Variants in DARS1 observed in about 807,000 individuals in gnomAD.
The protein encoded by DARS1 is aspartyl-tRNA synthetase 1.
A neutral mutation model predicts 68.8 loss-of-function variants in DARS1; 51 were observed. The observed-to-expected ratio is 0.74, with a 90% CI of 0.59 to 0.94. DARS1 has a LOEUF of 0.94. Ranked by LOEUF, DARS1 falls within the 40% of genes least tolerant of loss-of-function variation. The pLI is 0.00. For missense variants in DARS1, 607 were observed against 597.3 expected, an observed-to-expected ratio of 1.02 and a Z score of -0.17; for synonymous variants, 203 against 190.4, an observed-to-expected ratio of 1.07 and a Z score of -0.55.
rs1408790046 is a variant in DARS1 at position 135,965,796 on chromosome 2, C to T, written c.218-4298G>A. On this transcript the variant is annotated intron_variant, in intron 3 of 15. Coordinates refer to ENST00000264161, the MANE Select transcript of DARS1 (RefSeq NM_001349.4). ...AATGCTATGGTCCTCAAGCTTTCTA[C>T]GTTCAAAGCACTTTAAAATACAAGA... Among the ~76,000 whole-genome samples the T allele has an allele frequency of 3.9e-5, 6 of 152,288 alleles. No homozygotes were observed. In the East Asian group the frequency reaches 5.8e-4, roughly 15 times the overall value.
chr2:135,957,829 C>G (rs1682012745), intron 4 of DARS1, among the ~76,000 whole-genome samples: 1 of 152,122 alleles, frequency 6.6e-6, no homozygotes, highest in South Asian at 2.1e-4. Flanking sequence ...AAATACCAAA[C>G]TACTGTAAAT....
At chr2:135,922,327 G>A (rs1487754095) in intron 9 of DARS1, among the ~76,000 whole-genome samples, 1 of 152,090 alleles carries the variant, frequency 6.6e-6, no homozygotes, top group Non-Finnish European at 1.5e-5. Flanking sequence ...TTTGACCACT[G>A]CAACTACCTG....
intron 7 of DARS1, among the ~76,000 whole-genome samples, chr2:135,927,462 CTTCT>C (rs1263344163): frequency 2.0e-5 from 3 of 151,910 alleles, no homozygotes; most frequent in East Asian, 1.9e-4. Context: ...GGAAAAAGGC[CTTCT>C]TTATCATTTA....
chr2:135,984,922 T>C (rs1558804664), intron 1 of DARS1, among the ~76,000 whole-genome samples: 1 of 152,206 alleles, frequency 6.6e-6, no homozygotes, highest in East Asian at 1.9e-4. Context: ...AAATGACATG[T>C]GTTCTTTAAA....
chr2:135,954,651 TA>T (rs1321842695), intron 4 of DARS1, among the ~76,000 whole-genome samples: 1 of 152,088 alleles, frequency 6.6e-6, no homozygotes, highest in Non-Finnish European at 1.5e-5. Flanking sequence ...GGTGGCAAAA[TA>T]AAGCAAGTGT....
chr2:135,935,762 C>T (rs1681455973), intron 5 of DARS1, among the ~76,000 whole-genome samples: 1 of 152,074 alleles, frequency 6.6e-6, no homozygotes, highest in Non-Finnish European at 1.5e-5. Flanking sequence ...TATTAGTTAA[C>T]CCAAACTATG....
chr2:135,985,333 C>A, intron 1 of DARS1, 70 bp downstream of exon 1: 1 of 1,564,688 alleles, frequency 6.4e-7, no homozygotes, highest in South Asian at 1.2e-5. Context: ...CCCACTCCCC[C>A]TCCTCCCTCC....
At chr2:135,911,085 T>A (rs1680885983) in intron 15 of DARS1, 54 bp downstream of exon 15, 3 of 769,602 alleles carry the variant, frequency 3.9e-6, no homozygotes, top group Non-Finnish European at 6.7e-6. Flanking sequence ...TAATTCAAAT[T>A]TGTATTATAC....
At chr2:135,922,978 AC>A (rs1681137811) in intron 8 of DARS1, 60 bp from the exon 9 acceptor site, 4 of 1,336,862 alleles carry the variant, frequency 3.0e-6, no homozygotes, top group Non-Finnish European at 3.8e-6. Flanking sequence ...ATCAATGCAA[AC>A]CTCTAGTTAA....
At chr2:135,954,487 G>C (rs890439975) in intron 4 of DARS1, among the ~76,000 whole-genome samples, 1 of 152,274 alleles carries the variant, frequency 6.6e-6, no homozygotes, top group Middle Eastern at 3.4e-3. Flanking sequence ...TATAGAATAA[G>C]AGTCAGTTAT....
chr2:135,956,611 G>A (rs1287621924), intron 4 of DARS1, among the ~76,000 whole-genome samples: 1 of 152,242 alleles, frequency 6.6e-6, no homozygotes, highest in East Asian at 1.9e-4. Context: ...TCTTTCAAAG[G>A]AATCTGAGGA....
At chr2:135,967,655 T>C (rs912006573) in intron 3 of DARS1, among the ~76,000 whole-genome samples, 1 of 152,264 alleles carries the variant, frequency 6.6e-6, no homozygotes, top group Non-Finnish European at 1.5e-5. Flanking sequence ...GCTTTTCTTG[T>C]TTTGTTTTTT....
At chr2:135,968,398 T>C (rs999047197) in intron 3 of DARS1, among the ~76,000 whole-genome samples, 5 of 152,152 alleles carry the variant, frequency 3.3e-5, no homozygotes, top group African/African-American at 1.2e-4. Context: ...GAAACAAACT[T>C]ATTTTTTTAA....
chr2:135,974,222 G>A (rs1477172435), intron 3 of DARS1, among the ~76,000 whole-genome samples: 1 of 152,288 alleles, frequency 6.6e-6, no homozygotes, highest in African/African-American at 2.4e-5. Context: ...ACTGGATGAC[G>A]CAAATACTCT....
chr2:135,981,138 A>T (rs1682621947), intron 2 of DARS1, among the ~76,000 whole-genome samples: 1 of 152,214 alleles, frequency 6.6e-6, no homozygotes, highest in South Asian at 2.1e-4. Flanking sequence ...TTACATACAT[A>T]GGTTATCTTT....
intron 4 of DARS1, among the ~76,000 whole-genome samples, chr2:135,950,623 G>C (rs1681820714): frequency 6.6e-6 from 1 of 152,188 alleles, no homozygotes; most frequent in African/African-American, 2.4e-5. Context: ...ATGGAACTCA[G>C]TGCTTTCCAA....
intron 4 of DARS1, among the ~76,000 whole-genome samples, chr2:135,954,575 T>C (rs1681922223): frequency 6.6e-6 from 1 of 152,102 alleles, no homozygotes. Context: ...CTTTTGGGTC[T>C]GGTACAGGGA....
At chr2:135,968,856 T>C (rs1682299490) in intron 3 of DARS1, among the ~76,000 whole-genome samples, 1 of 151,998 alleles carries the variant, frequency 6.6e-6, no homozygotes, top group Non-Finnish European at 1.5e-5. Flanking sequence ...GAGATGGGGT[T>C]TTACCATGTT....
intron 7 of DARS1, among the ~76,000 whole-genome samples, chr2:135,924,899 C>T (rs746297567): frequency 7.9e-5 from 12 of 151,704 alleles, no homozygotes; most frequent in Non-Finnish European, 1.5e-4. Flanking sequence ...TGGTATTTGA[C>T]AATAAATGAA....
Sources: gnomAD v4.1 joint callset for allele counts (sites outside exome capture counted in the v4.1 genomes callset) on GRCh38, gnomAD v4.1.1 for gene constraint, MANE v1.5 for transcripts, NCBI Gene and HGNC (gene_info 2026-07-23, HGNC 2026-07-21) for gene names.